Variants in HIPK3 observed in about 807,000 individuals in gnomAD.
HIPK3 encodes the protein homeodomain interacting protein kinase 3.
Under a neutral mutation model 124.2 loss-of-function variants are expected in HIPK3, and 47 were observed. That is an observed-to-expected ratio of 0.38 (90% confidence interval 0.30 to 0.48). The LOEUF (loss-of-function observed/expected upper bound fraction) is 0.48. Ranked by LOEUF, HIPK3 falls within the 20% of genes least tolerant of loss-of-function variation. The probability of loss-of-function intolerance (pLI) is 0.98; values close to 1 mark genes in which losing one functional copy is unlikely to be tolerated. For synonymous variants in HIPK3, 482 were observed against 515.2 expected (o/e 0.94, Z 0.87); for missense variants, 1,286 against 1,454.3 (o/e 0.88, Z 1.88).
At chr11:33,304,847 CA>C in intron 2 of HIPK3, among the ~76,000 whole-genome samples, 1 of 152,270 alleles carries the variant, frequency 6.6e-6, no homozygotes, top group African/African-American at 2.4e-5. Flanking sequence ...ACCTTTTGCT[CA>C]TGGACGCTGC....
At chr11:33,347,196 T>A in intron 8 of HIPK3, 97 bp from the exon 9 acceptor site, 1 of 1,206,242 alleles carries the variant, frequency 8.3e-7, no homozygotes, top group Non-Finnish European at 1.1e-6. Flanking sequence ...AAAAAAAATC[T>A]GTCAGAATCT....
At position 33,287,316 on chromosome 11, in the gene HIPK3, C is replaced by A; in HGVS notation, c.902C>A (p.Pro301His). Residue 301 changes from proline to histidine, a missense_variant, in exon 2 of 17, where the codon CCC becomes CAC. This residue lies in a region of HIPK3 where 251 missense variants were observed against 349.1 expected (regional missense o/e 0.72). Coordinates refer to ENST00000303296, the MANE Select transcript of HIPK3 (RefSeq NM_005734.5). ...FSPLPLKVIR[P>H]ILQQVATALK... ...CCCCTGCCACTAAAAGTGATTCGGC[C>A]CATTCTTCAACAAGTGGCCACTGCA... The A allele has an allele frequency of 1.9e-6, 3 of 1,614,064 alleles. No individual in the cohort carries two copies. The highest frequency in any genetic ancestry group is 2.5e-6 in the Non-Finnish European group (3 of 1,179,996).
chr11:33,286,384 T>TC (rs1265139837), intron 1 of HIPK3, 29 bp from the exon 2 acceptor site: 51 of 1,391,808 alleles, frequency 3.7e-5, no homozygotes, highest in Non-Finnish European at 4.7e-5. Flanking sequence ...TCCTTTTTTT[T>TC]CTTTTCCTTT....
intron 2 of HIPK3, among the ~76,000 whole-genome samples, chr11:33,320,031 T>C (rs1389353607): frequency 6.6e-6 from 1 of 152,228 alleles, no homozygotes; most frequent in Non-Finnish European, 1.5e-5. Flanking sequence ...TCTCTCTGCC[T>C]GGAACTCTCT....
chr11:33,265,772 C>CAAAAAAAAA (rs55837408), intron 1 of HIPK3, among the ~76,000 whole-genome samples: 1 of 64,772 alleles, frequency 1.5e-5, no homozygotes, highest in Non-Finnish European at 2.8e-5. Flanking sequence ...GACCTTGTCT[C>CAAAAAAAAA]AAAAAAAAAA....
At position 33,286,840 on chromosome 11, in the gene HIPK3, G is replaced by T. The variant is rs767826647; in HGVS notation, c.426G>T (p.Gln142His). ...TGGATAATCATAGCAGCGCAATGCA[G>T]ATTGTCGATGAATTGTCCATACTTC... The part of the protein sequence containing the change: ...EELDNHSSAM[Q>H]IVDELSILPA... Residue 142 changes from glutamine (Q) to histidine (H), a missense_variant, in exon 2 of 17, where the codon CAG becomes CAT. Around this residue, in one of 3 missense-constraint regions of HIPK3, gnomAD observed 225 missense variants for 240.3 expected, o/e 0.94. Coordinates refer to ENST00000303296, the MANE Select transcript of HIPK3 (RefSeq NM_005734.5). 2 of 1,614,086 alleles carry T rather than the reference G, an allele frequency of 1.2e-6. No homozygotes were observed. The highest frequency in any genetic ancestry group is 2.7e-5 in the African/African-American group (2 of 74,942).
At chr11:33,318,119 TA>T (rs1413570051) in intron 2 of HIPK3, among the ~76,000 whole-genome samples, 5 of 152,354 alleles carry the variant, frequency 3.3e-5, no homozygotes, top group Non-Finnish European at 7.3e-5. Flanking sequence ...TGATTAGTTT[TA>T]AAATCAAAGG....
At chr11:33,273,792 C>T (rs1422675625) in intron 1 of HIPK3, among the ~76,000 whole-genome samples, 3 of 152,072 alleles carry the variant, frequency 2.0e-5, no homozygotes, top group Non-Finnish European at 4.4e-5. Flanking sequence ...TTTTTAAAAA[C>T]TGAAAGTACT....
chr11:33,341,807 T>A, intron 8 of HIPK3, 121 bp downstream of exon 8: 1 of 933,298 alleles, frequency 1.1e-6, no homozygotes, highest in Non-Finnish European at 1.6e-6. Flanking sequence ...CATTTGAATT[T>A]AAGCTGTTCA....
chr11:33,337,702 C>A (rs1222201724), intron 4 of HIPK3, among the ~76,000 whole-genome samples: 1 of 148,548 alleles, frequency 6.7e-6, no homozygotes, highest in East Asian at 2.0e-4. Flanking sequence ...GAGACAAAGT[C>A]TTGCTCTCTT....
At chr11:33,292,136 C>T (rs923619485) in intron 2 of HIPK3, among the ~76,000 whole-genome samples, 4 of 152,098 alleles carry the variant, frequency 2.6e-5, no homozygotes, top group African/African-American at 9.6e-5. Context: ...AAGTGCCTTT[C>T]GTTATATTTT....
intron 2 of HIPK3, among the ~76,000 whole-genome samples, chr11:33,304,810 G>T (rs111821793): frequency 9.7e-4 from 148 of 152,258 alleles, no homozygotes; most frequent in African/African-American, 3.5e-3. Flanking sequence ...AGGGAGAATT[G>T]TTAGGTCAAA....
chr11:33,286,723 C>T lies in HIPK3; in HGVS notation c.309C>T (p.His103=), dbSNP rs150292649. ...KVIAAQAQQA[H]VQAPQIGAWR... The stretch of plus-strand genomic sequence containing the variant: ...TAGCAGCTCAGGCACAGCAAGCTCA[C>T]GTGCAGGCACCTCAGATTGGGGCGT... Residue 103 remains histidine, a synonymous_variant, in exon 2 of 17, where the codon CAC becomes CAT. Transcript: ENST00000303296. 2.5e-4 allele frequency: 411 copies of T among 1,613,964 alleles called. No homozygotes were observed. The highest frequency in any genetic ancestry group is 1.6e-4 in the Middle Eastern group (1 of 6,084).
chr11:33,315,626 G>A (rs914308394), intron 2 of HIPK3, among the ~76,000 whole-genome samples: 2 of 152,206 alleles, frequency 1.3e-5, no homozygotes, highest in Admixed American at 6.5e-5. Context: ...GCCTCCCAAA[G>A]TGATGGGATT....
At chr11:33,293,514 A>G (rs969344067) in intron 2 of HIPK3, among the ~76,000 whole-genome samples, 1 of 152,130 alleles carries the variant, frequency 6.6e-6, no homozygotes, top group Non-Finnish European at 1.5e-5. Context: ...ACATGTAACC[A>G]TACAATATAT....
intron 3 of HIPK3, chr11:33,335,838 T>C (rs1024899408): frequency 1.3e-5 from 2 of 152,082 alleles, no homozygotes; most frequent in Non-Finnish European, 2.9e-5. Flanking sequence ...GAAGGAAGGA[T>C]GGAAAAACAA....
At chr11:33,291,115 T>C (rs1348954292) in intron 2 of HIPK3, among the ~76,000 whole-genome samples, 1 of 152,204 alleles carries the variant, frequency 6.6e-6, no homozygotes, top group Non-Finnish European at 1.5e-5. Context: ...GGTACTGTTT[T>C]AATATCTAGT....
intron 2 of HIPK3, among the ~76,000 whole-genome samples, chr11:33,307,755 G>GGTGTGTGT (rs150805766): frequency 3.4e-5 from 5 of 145,758 alleles, no homozygotes; most frequent in Non-Finnish European, 7.6e-5. Context: ...TATTCTTGTT[G>GGTGTGTGT]GTGTGTGTGT....
At position 33,302,339 on chromosome 11, in the gene HIPK3, C is replaced by CTTTTTTTTTTTTTTTTTTTTTTTTTTTTT. The variant is rs374964013; in HGVS notation, c.1097+14830_1097+14831insTTTTTTTTTTTTTTTTTTTTTTTTTTTTT. 7.4e-5 allele frequency among the ~76,000 whole-genome samples: 9 copies of CTTTTTTTTTTTTTTTTTTTTTTTTTTTTT among 121,140 alleles called. 1 individual carries two copies. Among genetic ancestry groups the CTTTTTTTTTTTTTTTTTTTTTTTTTTTTT allele is most frequent in the African/African-American group, 8.9e-5 (3 of 33,718 alleles). 79.5% of individuals were successfully genotyped at this position (121,140 alleles called of 152,430 possible). A position where few individuals can be genotyped will look rare whatever the true frequency, so the allele number is the denominator to read the frequency against. On this transcript the variant is annotated intron_variant, in intron 2 of 16. Transcript: ENST00000303296. ...TGAACTTCTCTATGATAATTCCTTA[C>CTTTTTTTTTTTTTTTTTTTTTTTTTTTTT]TTCTTTTTTTTTTTTTTGAGAAGGA...
Sources: allele counts gnomAD v4.1 joint callset (sites outside exome capture counted in the v4.1 genomes callset), GRCh38; gene constraint gnomAD v4.1.1; regional missense constraint gnomAD v4.1.1; transcripts MANE v1.5; gene names NCBI Gene and HGNC (gene_info 2026-07-23, HGNC 2026-07-21).